IL1RAPL1: variants seen among roughly 807,000 people sequenced by gnomAD.
IL1RAPL1 encodes the protein interleukin-1 receptor accessory protein-like 1.
In IL1RAPL1, 3 loss-of-function variants were observed where a neutral mutation model predicts 48.4. The ratio of observed to expected loss-of-function variants is 0.06; its 90% CI spans 0.03 to 0.16. The LOEUF (loss-of-function observed/expected upper bound fraction) is 0.16. Ranked by LOEUF, IL1RAPL1 falls within the 10% of genes least tolerant of loss-of-function variation. IL1RAPL1 has a pLI of 1.00. For missense variants in IL1RAPL1, 349 were observed against 530.6 expected, an observed-to-expected ratio of 0.66 and a Z score of 3.36; for synonymous variants, 185 against 187.7, an observed-to-expected ratio of 0.99 and a Z score of 0.12.
intron 2 of IL1RAPL1, among the ~76,000 whole-genome samples, chrX:29,118,788 A>C (rs1356832345): frequency 8.9e-6 from 1 of 111,804 alleles, no homozygotes; most frequent in African/African-American, 3.2e-5. Context: ...TCTACTTTAA[A>C]AAAAATGAAT....
At chrX:29,526,415 A>C (rs1935553501) in intron 5 of IL1RAPL1, among the ~76,000 whole-genome samples, 2 of 111,818 alleles carry the variant, frequency 1.8e-5, no homozygotes, top group African/African-American at 6.5e-5. Context: ...GACAGGAATG[A>C]AATTAGAAAA....
At chrX:29,060,454 G>A (rs984949626) in intron 2 of IL1RAPL1, among the ~76,000 whole-genome samples, 9 of 111,704 alleles carry the variant, frequency 8.1e-5, no homozygotes, top group African/African-American at 2.6e-4. Context: ...TAGCTAATTA[G>A]TTAAGTGTGG....
chrX:28,897,906 A>AGT (rs1922972154), intron 2 of IL1RAPL1, among the ~76,000 whole-genome samples: 1 of 110,855 alleles, frequency 9.0e-6, no homozygotes, highest in Non-Finnish European at 1.9e-5. Flanking sequence ...GGCGGGCAGG[A>AGT]GTGGGGGTCA....
At chrX:28,812,567 C>T (rs1004195775) in intron 2 of IL1RAPL1, among the ~76,000 whole-genome samples, 1 of 110,813 alleles carries the variant, frequency 9.0e-6, no homozygotes, top group African/African-American at 3.3e-5. Context: ...ACATACTTAT[C>T]CAGTATTTAA....
chrX:29,927,902 G>A (rs1932905027), intron 8 of IL1RAPL1, among the ~76,000 whole-genome samples: 1 of 101,496 alleles, frequency 9.9e-6, no homozygotes, highest in Admixed American at 1.1e-4. Context: ...GGGAGGGAGG[G>A]AGGGAGGGAG....
intron 1 of IL1RAPL1, among the ~76,000 whole-genome samples, chrX:28,718,036 G>A (rs1935524270): frequency 9.0e-6 from 1 of 111,494 alleles, no homozygotes; most frequent in African/African-American, 3.3e-5. Flanking sequence ...CTAAAGAAAT[G>A]TAAATAGTTC....
At position 29,507,627 on chromosome X, in the gene IL1RAPL1, A is replaced by C. The variant is rs1209555887; in HGVS notation, c.703+108319A>C. ...CTGGATGTGCATCTTTATTCTTAAA[A>C]AAACAACTTACGGAAGGACTCAAAA... On this transcript the variant is annotated intron_variant, in intron 5 of 10. Transcript: ENST00000378993. 2.8e-5 allele frequency among the ~76,000 whole-genome samples: 3 copies of C among 105,284 alleles called. No individual in the cohort carries two copies. In the Admixed American group the frequency reaches 3.1e-4, roughly 11 times the overall value. The allele number at this position is 105,284 out of a possible 115,157, so 91.4% of individuals were successfully genotyped here. A position where few individuals can be genotyped will look rare whatever the true frequency, so the allele number is the denominator to read the frequency against.
rs1289227150 is a variant in IL1RAPL1, at chrX:29,919,502, G to A, written c.912-447G>A. On this transcript the variant is annotated intron_variant, in intron 7 of 10. Transcript: ENST00000378993. Reference sequence around the variant, plus strand: ...CAATTTGTTAGTATCATTAACAAAAGTCAGACTGAACATTTCAACTGAAAT... The same window carrying A: ...CAATTTGTTAGTATCATTAACAAAAATCAGACTGAACATTTCAACTGAAAT... Among the ~76,000 whole-genome samples the A allele has an allele frequency of 2.7e-5, 3 of 112,364 alleles. No individual in the cohort carries two copies. The East Asian group carries it at 8.3e-4, about 31-fold the overall frequency.
At chrX:29,075,113 C>T (rs920544632) in intron 2 of IL1RAPL1, among the ~76,000 whole-genome samples, 1 of 111,376 alleles carries the variant, frequency 9.0e-6, no homozygotes, top group African/African-American at 3.3e-5. Context: ...ATAATGACAA[C>T]GTTGGTTTGG....
intron 6 of IL1RAPL1, among the ~76,000 whole-genome samples, chrX:29,771,595 C>T (rs1026898490): frequency 8.9e-6 from 1 of 111,932 alleles, no homozygotes. Context: ...GAGTCAATCA[C>T]TTTAACCTGT....
At chrX:28,905,651 T>G (rs1429079409) in intron 2 of IL1RAPL1, among the ~76,000 whole-genome samples, 2 of 112,262 alleles carry the variant, frequency 1.8e-5, no homozygotes, top group Non-Finnish European at 3.8e-5. Context: ...ATTAAGATAG[T>G]CATATTTAGA....
chrX:29,757,562 C>T (rs753824296), intron 6 of IL1RAPL1, among the ~76,000 whole-genome samples: 5 of 111,986 alleles, frequency 4.5e-5, no homozygotes, highest in East Asian at 5.6e-4. Flanking sequence ...AATTTGACTA[C>T]GGTATGTGAC....
intron 9 of IL1RAPL1, among the ~76,000 whole-genome samples, chrX:29,950,745 C>T (rs1028433032): frequency 1.3e-4 from 14 of 105,933 alleles, no homozygotes; most frequent in Non-Finnish European, 2.1e-4. Flanking sequence ...GGTGCAGTCT[C>T]GGCTCACTGC....
intron 6 of IL1RAPL1, among the ~76,000 whole-genome samples, chrX:29,815,470 A>T (rs1426991229): frequency 9.0e-6 from 1 of 111,693 alleles, no homozygotes; most frequent in Non-Finnish European, 1.9e-5. Flanking sequence ...CAGTTCTAAA[A>T]GGTTTTTGAT....
At chrX:29,908,651 T>A (rs1342021400) in intron 6 of IL1RAPL1, among the ~76,000 whole-genome samples, 1 of 111,708 alleles carries the variant, frequency 9.0e-6, no homozygotes, top group Non-Finnish European at 1.9e-5. Context: ...TATAGAGAAT[T>A]TTATATTTTG....
At chrX:28,820,851 A>T (rs1030456897) in intron 2 of IL1RAPL1, among the ~76,000 whole-genome samples, 3 of 110,720 alleles carry the variant, frequency 2.7e-5, no homozygotes. Flanking sequence ...CTAATGGCCC[A>T]TTTTTCTCTC....
intron 2 of IL1RAPL1, among the ~76,000 whole-genome samples, chrX:28,820,727 A>G (rs1936927894): frequency 9.0e-6 from 1 of 111,177 alleles, no homozygotes; most frequent in African/African-American, 3.3e-5. Flanking sequence ...ATGATCAGGA[A>G]GCCATTGCTG....
At chrX:28,818,255 C>G (rs1936892451) in intron 2 of IL1RAPL1, among the ~76,000 whole-genome samples, 1 of 110,708 alleles carries the variant, frequency 9.0e-6, no homozygotes, top group Non-Finnish European at 1.9e-5. Flanking sequence ...TGTTTAGGGA[C>G]ATTGAACCTT....
intron 6 of IL1RAPL1, among the ~76,000 whole-genome samples, chrX:29,808,152 A>G (rs1930298776): frequency 1.8e-5 from 2 of 112,003 alleles, no homozygotes; most frequent in Non-Finnish European, 3.8e-5. Context: ...GACTTTTACA[A>G]AGATTTATAT....
Sources: gnomAD v4.1 joint callset for allele counts (sites outside exome capture counted in the v4.1 genomes callset) on GRCh38, gnomAD v4.1.1 for gene constraint, MANE v1.5 for transcripts, NCBI Gene and HGNC (gene_info 2026-07-23, HGNC 2026-07-21) for gene names.